The following ZSWIM6 variants were observed in gnomAD, a reference collection of about 807,000 sequenced individuals.
ZSWIM6 encodes zinc finger SWIM domain-containing protein 6.
ZSWIM6 carries 9 observed loss-of-function variants against 113.2 expected under a neutral mutation model. The observed-to-expected ratio is 0.08, with a 90% CI of 0.05 to 0.14. The LOEUF (loss-of-function observed/expected upper bound fraction) is 0.14. ZSWIM6 is among the 10% of genes least tolerant of loss of function. ZSWIM6 has a pLI of 1.00. For synonymous variants in ZSWIM6, 611 were observed against 606.5 expected (o/e 1.01, Z -0.11); for missense variants, 1,162 against 1,552.2 (o/e 0.75, Z 4.22).
intron 2 of ZSWIM6, among the ~76,000 whole-genome samples, chr5:61,473,400 A>G (rs1328386321): frequency 1.3e-5 from 2 of 152,166 alleles, no homozygotes; most frequent in Non-Finnish European, 2.9e-5. Flanking sequence ...TTTAAAATTT[A>G]TTTTCCAGTG....
At position 61,413,575 on chromosome 5, in the gene ZSWIM6, C is replaced by A. The variant is rs561764540; in HGVS notation, c.677-59106C>A. Reference sequence around the variant, plus strand: ...GCTGGGTCAAATGGTATTTCTAGTTCTAGATCCCTGAGAAATCGCCACACT... The same window carrying A: ...GCTGGGTCAAATGGTATTTCTAGTTATAGATCCCTGAGAAATCGCCACACT... On this transcript the variant is annotated intron_variant, in intron 1 of 13. Transcript: ENST00000252744. Among the ~76,000 whole-genome samples the A allele has an allele frequency of 2.2e-4, 34 of 152,180 alleles. No homozygotes were observed. The East Asian group carries it at 6.4e-3, about 29-fold the overall frequency.
At chr5:61,410,775 G>C (rs1746136329) in intron 1 of ZSWIM6, among the ~76,000 whole-genome samples, 1 of 152,108 alleles carries the variant, frequency 6.6e-6, no homozygotes, top group African/African-American at 2.4e-5. Flanking sequence ...TTAATACATA[G>C]AATAGCCAAC....
rs1744272619 is a variant in ZSWIM6 at position 61,332,448 on chromosome 5, G to C, written c.176G>C (p.Gly59Ala). 1 of 1,023,630 alleles carries C rather than the reference G, an allele frequency of 9.8e-7. No individual in the cohort carries two copies. The highest frequency in any genetic ancestry group is 1.2e-6 in the Non-Finnish European group (1 of 857,224). The allele number at this position is 1,023,630 out of a possible 1,614,324, so 63.4% of individuals were successfully genotyped here. A position where few individuals can be genotyped will look rare whatever the true frequency, so the allele number is the denominator to read the frequency against. The change falls in exon 1 of 14, where the codon GGC becomes GCC. Residue 59 changes from glycine to alanine, a missense_variant. Physicochemically the swap from Gly to Ala is moderately conservative, Grantham distance 60. Coordinates refer to ENST00000252744, the MANE Select transcript of ZSWIM6 (RefSeq NM_020928.2). ...GGAAAAAACG[G>A]GAALGLLPPG... is the part of the protein sequence containing the mutation. The stretch of plus-strand genomic sequence containing the variant: ...GCGGCGGCGGCGGCGGCGTGCGGGG[G>C]CGGCGCGGCGCTGGGGTTGCTGCCG...
At chr5:61,478,112 A>C (rs1045456723) in intron 2 of ZSWIM6, among the ~76,000 whole-genome samples, 1 of 152,148 alleles carries the variant, frequency 6.6e-6, no homozygotes, top group African/African-American at 2.4e-5. Context: ...TACCCTTTCT[A>C]TTGTATAATA....
chr5:61,462,870 C>T (rs983075302), intron 1 of ZSWIM6, among the ~76,000 whole-genome samples: 1 of 152,114 alleles, frequency 6.6e-6, no homozygotes, highest in Non-Finnish European at 1.5e-5. Flanking sequence ...GAAGGAAGAC[C>T]GATCTTGTTT....
chr5:61,457,725 G>A (rs1747233967), intron 1 of ZSWIM6, among the ~76,000 whole-genome samples: 1 of 152,050 alleles, frequency 6.6e-6, no homozygotes, highest in Non-Finnish European at 1.5e-5. Flanking sequence ...GTTTCACCAT[G>A]TTGGCCAAGC....
chr5:61,543,494 C>T lies in ZSWIM6; in HGVS notation c.2825C>T (p.Thr942Ile). Reference protein sequence around the residue: ...ALDSIMQTWFTLFTPTEATSI... With the variant: ...ALDSIMQTWFILFTPTEATSI... ...GACAGCATCATGCAGACCTGGTTTA[C>T]ACTCTTTACTCCCACCGAGGCCACA... Residue 942 changes from threonine (T) to isoleucine (I), a missense_variant, in exon 14 of 14, where the codon ACA becomes ATA. Thr to Ile is a moderately conservative substitution (Grantham distance 89, BLOSUM62 -1). This residue lies in a region of ZSWIM6 where 620 missense variants were observed against 804.6 expected (regional missense o/e 0.77). Transcript: ENST00000252744. This position sits in a 1 kb window ranked among gnomAD's most constrained non-coding sequence, Gnocchi z 4.3. 1 of 1,551,186 alleles carries T rather than the reference C, an allele frequency of 6.4e-7. No individual in the cohort carries two copies. Among genetic ancestry groups the T allele is most frequent in the South Asian group, 1.2e-5 (1 of 84,026 alleles).
At chr5:61,433,565 T>C (rs530116586) in intron 1 of ZSWIM6, among the ~76,000 whole-genome samples, 4 of 151,442 alleles carry the variant, frequency 2.6e-5, no homozygotes, top group Non-Finnish European at 5.9e-5. Flanking sequence ...CTCCGCCTCC[T>C]GGGTTCAAGC....
chr5:61,400,678 C>T (rs1421569815), intron 1 of ZSWIM6, among the ~76,000 whole-genome samples: 1 of 152,124 alleles, frequency 6.6e-6, no homozygotes, highest in Non-Finnish European at 1.5e-5. Context: ...TATATCTGCT[C>T]CTTGTTCTGC....
chr5:61,337,838 A>G (rs1329534543), intron 1 of ZSWIM6, among the ~76,000 whole-genome samples: 1 of 152,158 alleles, frequency 6.6e-6, no homozygotes, highest in Non-Finnish European at 1.5e-5. Flanking sequence ...GGGGACTTTA[A>G]CTTTTTACTT....
intron 1 of ZSWIM6, chr5:61,391,214 T>A: frequency 1.1e-6 from 1 of 885,912 alleles, no homozygotes; most frequent in South Asian, 1.3e-5. Context: ...GTCAACCTGA[T>A]GACGTCGATC....
chr5:61,494,443 T>A, intron 4 of ZSWIM6, 33 bp downstream of exon 4: 1 of 1,549,672 alleles, frequency 6.5e-7, no homozygotes, highest in Non-Finnish European at 8.7e-7. Flanking sequence ...TACCATTGAT[T>A]TGCATATGGA....
intron 1 of ZSWIM6, among the ~76,000 whole-genome samples, chr5:61,343,951 A>G (rs1744601049): frequency 6.6e-6 from 1 of 151,288 alleles, no homozygotes; most frequent in Non-Finnish European, 1.5e-5. Flanking sequence ...CAGTGGTGCA[A>G]TCTTGGCTCA....
intron 2 of ZSWIM6, among the ~76,000 whole-genome samples, chr5:61,486,428 T>C (rs1748025140): frequency 6.6e-6 from 1 of 152,146 alleles, no homozygotes; most frequent in Non-Finnish European, 1.5e-5. Flanking sequence ...GTCTTTCATA[T>C]AATGTTTTCT....
At position 61,452,198 on chromosome 5, in the gene ZSWIM6, CT is replaced by C. The variant is rs1215407653; in HGVS notation, c.677-20477del. ...TTCCTTTATATACTGTAACCTCCTACTTTTTTCTAGTTTTTCCCCTTAAAAA... is the reference window on the plus strand; with the variant it reads ...TTCCTTTATATACTGTAACCTCCTACTTTTTCTAGTTTTTCCCCTTAAAAA... On this transcript the variant is annotated intron_variant, in intron 1 of 13. Transcript: ENST00000252744. 5.9e-5 allele frequency among the ~76,000 whole-genome samples: 9 copies of C among 152,164 alleles called. 1 individual carries two copies. The East Asian group carries it at 1.5e-3, about 26-fold the overall frequency.
chr5:61,343,779 G>GTTGT (rs1301860922), intron 1 of ZSWIM6, among the ~76,000 whole-genome samples: 1 of 151,666 alleles, frequency 6.6e-6, no homozygotes, highest in Non-Finnish European at 1.5e-5. Context: ...TTGTAATCTA[G>GTTGT]TTGTTTTATG....
chr5:61,501,327 G>T (rs1748461562), intron 4 of ZSWIM6, among the ~76,000 whole-genome samples: 1 of 152,174 alleles, frequency 6.6e-6, no homozygotes. Context: ...AAGAGAGAAT[G>T]TATGGGCAAA....
In ZSWIM6 at chr5:61,514,272, GT is replaced by G. The variant is rs750754590; in HGVS notation, c.1334-6979del. Among the ~76,000 whole-genome samples the G allele has an allele frequency of 5.1e-3, 696 of 136,620 alleles. 1 individual carries two copies. The highest frequency in any genetic ancestry group is 6.7e-3 in the African/African-American group (251 of 37,564). 89.6% of individuals were successfully genotyped at this position (136,620 alleles called of 152,430 possible). A position where few individuals can be genotyped will look rare whatever the true frequency, so the allele number is the denominator to read the frequency against. ...CTACAGTTTTTTGTTTGATTTAAGT[GT>G]TTTTTTTTTTTCATTTGAACTTATC... On this transcript the variant is annotated intron_variant, in intron 4 of 13. Coordinates refer to ENST00000252744, the MANE Select transcript of ZSWIM6 (RefSeq NM_020928.2).
intron 1 of ZSWIM6, among the ~76,000 whole-genome samples, chr5:61,335,778 G>A (rs1006444855): frequency 6.6e-6 from 1 of 152,178 alleles, no homozygotes. Flanking sequence ...TTTAAGGATT[G>A]AGGGGTTTGT....
Sources: gnomAD v4.1 joint callset for allele counts (sites outside exome capture counted in the v4.1 genomes callset) on GRCh38, gnomAD v4.1.1 for gene constraint, gnomAD v4.1.1 regional missense constraint, Gnocchi (gnomAD v3.1) non-coding constraint, MANE v1.5 for transcripts, NCBI Gene and HGNC (gene_info 2026-07-23, HGNC 2026-07-21) for gene names.